IRAG1: variants seen among roughly 807,000 people sequenced by gnomAD.
IRAG1 encodes the protein IP3R-associated cGMP kinase substrate.
A neutral mutation model predicts 106.2 loss-of-function variants in IRAG1; 62 were observed. That is an observed-to-expected ratio of 0.58 (90% CI 0.48 to 0.72). IRAG1 has a LOEUF of 0.72. IRAG1 is among the 30% of genes least tolerant of loss of function. The pLI, the probability that IRAG1 is intolerant of heterozygous loss-of-function variation, is 0.00. For synonymous variants in IRAG1, 462 were observed against 443.9 expected (o/e 1.04, Z -0.51); for missense variants, 1,064 against 1,140.7 (o/e 0.93, Z 0.97).
intron 18 of IRAG1, among the ~76,000 whole-genome samples, chr11:10,587,137 A>G (rs996159601): frequency 6.6e-5 from 10 of 152,234 alleles, no homozygotes; most frequent in Admixed American, 2.6e-4. Context: ...GGGATGATTC[A>G]TGAAAATGAG....
intron 12 of IRAG1, 82 bp downstream of exon 12, chr11:10,606,660 C>T: frequency 7.2e-7 from 1 of 1,388,860 alleles, no homozygotes. Context: ...AATGTCAGAG[C>T]TAGAGTCTGG....
intron 15 of IRAG1, 81 bp downstream of exon 15, chr11:10,600,837 T>G: frequency 6.4e-7 from 1 of 1,570,302 alleles, no homozygotes. Context: ...CTGGGGCTGT[T>G]CTGACAGCTC....
chr11:10,680,524 A>AAGGAAGGAAGG (rs1861155828), intron 1 of IRAG1, among the ~76,000 whole-genome samples: 1 of 139,034 alleles, frequency 7.2e-6, no homozygotes, highest in African/African-American at 2.9e-5. Context: ...AGAAAGGAAG[A>AAGGAAGGAAGG]AAGGAAGGAA....
Position 10,687,676 on chromosome 11 carries a change from T to A in IRAG1, c.67+5860A>T, listed in dbSNP as rs1861761853. The A allele has an allele frequency of 3.9e-6, 5 of 1,285,992 alleles. No homozygotes were observed. In the South Asian group the frequency reaches 6.2e-5, roughly 16 times the overall value. The allele number at this position is 1,285,992 out of a possible 1,614,324, so 79.7% of individuals were successfully genotyped here. ...GATGCCCAATCCTCTTGAGAGGAAGTCCACCACTCTCCTTGCGGTGTTTTT... is the reference window on the plus strand; with the variant it reads ...GATGCCCAATCCTCTTGAGAGGAAGACCACCACTCTCCTTGCGGTGTTTTT... On this transcript the variant is annotated intron_variant, in intron 1 of 20. Coordinates refer to ENST00000423302, the MANE Select transcript of IRAG1 (RefSeq NM_130385.4).
intron 18 of IRAG1, 138 bp from the exon 19 acceptor site, chr11:10,582,124 A>C: frequency 1.8e-6 from 2 of 1,099,162 alleles, no homozygotes; most frequent in South Asian, 1.8e-5. Flanking sequence ...TTTTTTCCCA[A>C]TCCTTCTACC....
At chr11:10,585,336 C>A (rs1851841613) in intron 18 of IRAG1, among the ~76,000 whole-genome samples, 1 of 152,064 alleles carries the variant, frequency 6.6e-6, no homozygotes, top group Admixed American at 6.5e-5. Flanking sequence ...CTTGATCTTT[C>A]CAATGATAAG....
At chr11:10,616,252 C>T (rs1337810680) in intron 10 of IRAG1, among the ~76,000 whole-genome samples, 3 of 145,860 alleles carry the variant, frequency 2.1e-5, no homozygotes, top group South Asian at 2.1e-4. Flanking sequence ...GAGATGGCAC[C>T]ACTGCACTCC....
At chr11:10,670,162 C>T (rs1031922152) in intron 1 of IRAG1, among the ~76,000 whole-genome samples, 1 of 152,216 alleles carries the variant, frequency 6.6e-6, no homozygotes, top group Non-Finnish European at 1.5e-5. Context: ...CTTAGTCCAA[C>T]AGAGAACAAA....
chr11:10,578,540 C>A (rs1030630411), intron 20 of IRAG1, among the ~76,000 whole-genome samples: 1 of 152,178 alleles, frequency 6.6e-6, no homozygotes, highest in Non-Finnish European at 1.5e-5. Flanking sequence ...CTGGGCTGAA[C>A]CCAGTGTTTT....
chr11:10,617,260 T>C, intron 10 of IRAG1: 1 of 860,318 alleles, frequency 1.2e-6, no homozygotes, highest in Non-Finnish European at 1.4e-6. Flanking sequence ...ACATCAACTA[T>C]GCAGTAGATA....
intron 10 of IRAG1, among the ~76,000 whole-genome samples, chr11:10,621,468 G>A (rs2134513064): frequency 6.6e-6 from 1 of 152,298 alleles, no homozygotes. Context: ...TGGGCCCACA[G>A]TCTCAGAAGA....
In IRAG1 at chr11:10,620,680, C is replaced by T. The variant is rs937562219; in HGVS notation, c.1447+3098G>A. 3.5e-4 allele frequency among the ~76,000 whole-genome samples: 53 copies of T among 152,142 alleles called. 1 individual carries two copies. Among genetic ancestry groups the T allele is most frequent in the Admixed American group, 3.3e-3 (50 of 15,280 alleles). On this transcript the variant is annotated intron_variant, in intron 10 of 20. Coordinates refer to ENST00000423302, the MANE Select transcript of IRAG1 (RefSeq NM_130385.4). Reference sequence around the variant, plus strand: ...GAATAATAAGGAGCAGAAGCAAACACCAGCACGGGTAATGCGTAAGAGAAA... The same window carrying T: ...GAATAATAAGGAGCAGAAGCAAACATCAGCACGGGTAATGCGTAAGAGAAA...
intron 15 of IRAG1, among the ~76,000 whole-genome samples, chr11:10,595,123 C>T (rs1853148204): frequency 6.6e-6 from 1 of 151,510 alleles, no homozygotes; most frequent in African/African-American, 2.4e-5. Flanking sequence ...CAGGGTTTCG[C>T]CATGTTGGCC....
chr11:10,690,912 C>A (rs970501800), intron 1 of IRAG1, among the ~76,000 whole-genome samples: 13 of 152,200 alleles, frequency 8.5e-5, no homozygotes, highest in Non-Finnish European at 1.3e-4. Context: ...TGACTCAGCT[C>A]CCCAAGGGGC....
rs201583835 is a variant in IRAG1, at chr11:10,604,485, T to C, written c.1663A>G (p.Ile555Val). 1.2e-4 allele frequency: 197 copies of C among 1,614,062 alleles called. 2 individuals are homozygous for C. In the South Asian group the frequency reaches 1.7e-3, roughly 14 times the overall value. The change falls in exon 13 of 21, where the codon ATT (isoleucine) becomes GTT (valine). Residue 555 changes from isoleucine (I) to valine (V), a missense_variant. Coordinates refer to ENST00000423302, the MANE Select transcript of IRAG1 (RefSeq NM_130385.4). ...RNDSYTLESR[I>V]NQAERERNLT... ...TTGCGTTCCCTTTCAGCCTGGTTAA[T>C]TCTAGATTCCAGAGTGTAGCTGTCA...
Position 10,637,779 on chromosome 11 carries a change from C to A in IRAG1, c.226-3708G>T, listed in dbSNP as rs145788995. Among the ~76,000 whole-genome samples the A allele has an allele frequency of 9.8e-4, 149 of 152,024 alleles. 1 individual carries two copies. The East Asian group carries it at 0.012, about 12-fold the overall frequency. On this transcript the variant is annotated intron_variant, in intron 2 of 20. Transcript: ENST00000423302. ...AGAAGTGGAACAATGATCTGGGGCCCCGAGGACATGCAGTGGAACAGTATT... is the reference window on the plus strand; with the variant it reads ...AGAAGTGGAACAATGATCTGGGGCCACGAGGACATGCAGTGGAACAGTATT...
intron 1 of IRAG1, among the ~76,000 whole-genome samples, chr11:10,658,024 T>G (rs1352169494): frequency 6.6e-6 from 1 of 152,260 alleles, no homozygotes. Context: ...ATTGTGTCTG[T>G]GCTGTGAAAG....
chr11:10,609,311 G>C (rs1854744750), intron 11 of IRAG1, among the ~76,000 whole-genome samples: 1 of 152,116 alleles, frequency 6.6e-6, no homozygotes, highest in Non-Finnish European at 1.5e-5. Flanking sequence ...GGGAGGCCGA[G>C]GTAGAAGGAT....
chr11:10,652,019 A>G lies in IRAG1; in HGVS notation c.225+6T>C. On this transcript the variant is annotated splice_donor_region_variant and intron_variant, in intron 2 of 20. Transcript: ENST00000423302. ...GGCTAGCTGAGGGCAGGGAGGGGGC[A>G]CTTACTTGGCCGGCAGGGCTCTGGG... The G allele has an allele frequency of 2.6e-6, 4 of 1,560,388 alleles. No homozygotes were observed. Among genetic ancestry groups the G allele is most frequent in the Admixed American group, 1.9e-5 (1 of 53,198 alleles).
Sources: gnomAD v4.1 joint callset for allele counts (sites outside exome capture counted in the v4.1 genomes callset) on GRCh38, gnomAD v4.1.1 for gene constraint, MANE v1.5 for transcripts, NCBI Gene and HGNC (gene_info 2026-07-23, HGNC 2026-07-21) for gene names.